TAF4B: variants seen among roughly 807,000 people sequenced by gnomAD.
The protein encoded by TAF4B is transcription initiation factor TFIID subunit 4B.
Under a neutral mutation model 86.4 loss-of-function variants are expected in TAF4B, and 38 were observed. The ratio of observed to expected loss-of-function variants is 0.44; its 90% CI spans 0.34 to 0.58. The LOEUF is 0.58. Among genes scored for constraint, TAF4B ranks in the 20% least tolerant of loss-of-function variants. The pLI, the probability that TAF4B is intolerant of heterozygous loss-of-function variation, is 0.02. For synonymous variants in TAF4B, 388 were observed against 391.2 expected, an observed-to-expected ratio of 0.99 and a Z score of 0.10; for missense variants, 988 against 1,027.6, an observed-to-expected ratio of 0.96 and a Z score of 0.53.
chr18:26,364,403 C>A (rs1044952681), intron 14 of TAF4B, among the ~76,000 whole-genome samples: 1 of 145,744 alleles, frequency 6.9e-6, no homozygotes, highest in Non-Finnish European at 1.6e-5. Context: ...TTAATGTAGG[C>A]CGTACAGATA....
intron 10 of TAF4B, among the ~76,000 whole-genome samples, chr18:26,320,026 T>A (rs1209717943): frequency 2.6e-5 from 4 of 152,218 alleles, no homozygotes; most frequent in Non-Finnish European, 5.9e-5. Flanking sequence ...AGAAGTTGAT[T>A]AATTTTGTAT....
chr18:26,275,120 G>A, intron 5 of TAF4B, 67 bp downstream of exon 5: 1 of 1,448,352 alleles, frequency 6.9e-7, no homozygotes, highest in Non-Finnish European at 9.2e-7. Flanking sequence ...ATTGGGAAAT[G>A]CATATTTTTA....
chr18:26,261,162 G>A (rs973092629), intron 1 of TAF4B, among the ~76,000 whole-genome samples: 2 of 148,096 alleles, frequency 1.4e-5, no homozygotes, highest in Non-Finnish European at 3.0e-5. Context: ...CCTTGAACAT[G>A]AGCACTGTCA....
chr18:26,241,553 T>G (rs973330952), intron 1 of TAF4B, among the ~76,000 whole-genome samples: 3 of 152,194 alleles, frequency 2.0e-5, no homozygotes, highest in African/African-American at 7.2e-5. Flanking sequence ...ATTCTTTGAT[T>G]TTTTTGAAGG....
At chr18:26,356,791 GTT>G (rs11324227) in intron 13 of TAF4B, among the ~76,000 whole-genome samples, 23,184 of 137,880 alleles carry the variant, frequency 0.17, 2,422 homozygotes, top group African/African-American at 0.31. Context: ...CTCACTTGGT[GTT>G]TTTTTTTTTT....
At chr18:26,234,321 C>T (rs1456753901) in intron 1 of TAF4B, among the ~76,000 whole-genome samples, 1 of 152,220 alleles carries the variant, frequency 6.6e-6, no homozygotes, top group Non-Finnish European at 1.5e-5. Context: ...ACTGCCACCT[C>T]CTTGGGTTTT....
intron 9 of TAF4B, among the ~76,000 whole-genome samples, chr18:26,309,479 T>C (rs920529631): frequency 1.3e-5 from 2 of 152,058 alleles, no homozygotes; most frequent in Non-Finnish European, 2.9e-5. Flanking sequence ...ATATTACCAA[T>C]GGATGATGTT....
chr18:26,376,159 T>C (rs899591114), intron 14 of TAF4B, among the ~76,000 whole-genome samples: 2 of 151,882 alleles, frequency 1.3e-5, no homozygotes, highest in Non-Finnish European at 2.9e-5. Flanking sequence ...GTTTTCAAGA[T>C]CATTTTAACT....
chr18:26,267,535 T>G lies in TAF4B; in HGVS notation c.509T>G (p.Ile170Ser), dbSNP rs766316218. ...GCCAAGAACTCTAGCTCACAATTAA[T>G]CAAGAAAGTGGCAGTGACACCTGTT... is the stretch of plus-strand genomic sequence containing the variant. ...CTVPNSSSQL[I>S]KKVAVTPVKK... Residue 170 changes from isoleucine (I) to serine (S), a missense_variant, in exon 3 of 15, where the codon ATC becomes AGC. Physicochemically the swap from Ile to Ser is moderately radical, Grantham distance 142. This residue lies in a region of TAF4B where 747 missense variants were observed against 737.9 expected (regional missense o/e 1.01). Coordinates refer to ENST00000269142, the MANE Select transcript of TAF4B (RefSeq NM_005640.3). 1 of 1,613,950 alleles carries G rather than the reference T, an allele frequency of 6.2e-7. No individual in the cohort carries two copies. The highest frequency in any genetic ancestry group is 8.5e-7 in the Non-Finnish European group (1 of 1,179,936).
rs2057010957 is a variant in TAF4B at position 26,327,141 on chromosome 18, G to A, written c.2259+1G>A. On this transcript the variant is annotated splice_donor_variant, in intron 12 of 14. Transcript: ENST00000269142. LOFTEE classifies it high-confidence loss of function. The stretch of plus-strand genomic sequence containing the variant: ...AGAAATGTTACTTAAGGCAGCCAAG[G>A]TAAGGGCCAGTGTGATTTATGAGTG... 9 of 1,610,344 alleles carry A rather than the reference G, an allele frequency of 5.6e-6. No homozygotes were observed. The highest frequency in any genetic ancestry group is 7.6e-6 in the Non-Finnish European group (9 of 1,179,476).
At position 26,305,541 on chromosome 18, in the gene TAF4B, G is replaced by A. The variant is rs114273580; in HGVS notation, c.1833-9688G>A. ...TCGTGCCTCAGCCTCCCGAGTAGCT[G>A]AACTACAGGCACGCGCCACCACTCC... On this transcript the variant is annotated intron_variant, in intron 9 of 14. Transcript: ENST00000269142. Among the ~76,000 whole-genome samples the A allele has an allele frequency of 5.7e-3, 867 of 152,250 alleles. 13 individuals are homozygous for A. Among genetic ancestry groups the A allele is most frequent in the African/African-American group, 0.019 (810 of 41,554 alleles).
At chr18:26,376,761 G>A (rs1368750660) in intron 14 of TAF4B, among the ~76,000 whole-genome samples, 1 of 151,974 alleles carries the variant, frequency 6.6e-6, no homozygotes, top group Non-Finnish European at 1.5e-5. Context: ...CAGAATTTAG[G>A]GGAAAAGAGT....
At chr18:26,311,762 G>A (rs1379854600) in intron 9 of TAF4B, among the ~76,000 whole-genome samples, 1 of 152,158 alleles carries the variant, frequency 6.6e-6, no homozygotes, top group Non-Finnish European at 1.5e-5. Flanking sequence ...GTCATTACCT[G>A]GAAGACCTTG....
At chr18:26,383,953 T>C (rs1800411503) in intron 14 of TAF4B, among the ~76,000 whole-genome samples, 1 of 152,204 alleles carries the variant, frequency 6.6e-6, no homozygotes. Context: ...GCTTGGGTAT[T>C]GTGAATATAG....
At position 26,361,677 on chromosome 18, in the gene TAF4B, G is replaced by A. The variant is rs191268750; in HGVS notation, c.2421+3883G>A. On this transcript the variant is annotated intron_variant, in intron 14 of 14. Coordinates refer to ENST00000269142, the MANE Select transcript of TAF4B (RefSeq NM_005640.3). The stretch of plus-strand genomic sequence containing the variant: ...GGAGAATCACTTGAACCCGGGAGGC[G>A]GAGGTTGCTGTGAGCCGAGATCGCG... Among the ~76,000 whole-genome samples the A allele has an allele frequency of 2.0e-3, 295 of 150,632 alleles. 1 individual carries two copies. The highest frequency in any genetic ancestry group is 7.0e-3 in the African/African-American group (288 of 41,042).
At chr18:26,306,148 A>G (rs2056792426) in intron 9 of TAF4B, among the ~76,000 whole-genome samples, 1 of 152,134 alleles carries the variant, frequency 6.6e-6, no homozygotes, top group Non-Finnish European at 1.5e-5. Flanking sequence ...CCTGATGTAC[A>G]ATTTTATTTA....
chr18:26,373,894 G>A (rs1019669213), intron 14 of TAF4B, among the ~76,000 whole-genome samples: 3 of 152,074 alleles, frequency 2.0e-5, no homozygotes, highest in Admixed American at 1.3e-4. Flanking sequence ...TAGCAGTGCT[G>A]GATTTATGCC....
intron 9 of TAF4B, among the ~76,000 whole-genome samples, chr18:26,300,822 C>T (rs2056723446): frequency 6.6e-6 from 1 of 151,836 alleles, no homozygotes; most frequent in Non-Finnish European, 1.5e-5. Flanking sequence ...GTTTCCATCA[C>T]TTACGTAGAG....
chr18:26,346,907 G>GTGTATATATATATATA lies in TAF4B; in HGVS notation c.2317-10782_2317-10781insGTATATATATATATAT, dbSNP rs1171773933. 9.3e-3 allele frequency among the ~76,000 whole-genome samples: 104 copies of GTGTATATATATATATA among 11,216 alleles called. 15 individuals are homozygous for GTGTATATATATATATA. Among genetic ancestry groups the GTGTATATATATATATA allele is most frequent in the Non-Finnish European group, 0.022 (86 of 3,904 alleles). The allele number at this position is 11,216 out of a possible 152,430, so 7.4% of individuals were successfully genotyped here. A position where few individuals can be genotyped will look rare whatever the true frequency, so the allele number is the denominator to read the frequency against. Reference sequence around the variant, plus strand: ...TATATATATATATATATATGTGTGTGTATATATATATATATAGTTTTTTGT... The same window carrying GTGTATATATATATATA: ...TATATATATATATATATATGTGTGTGTGTATATATATATATATATATATATATATATAGTTTTTTGT... On this transcript the variant is annotated intron_variant, in intron 13 of 14. Transcript: ENST00000269142.
Sources: gnomAD v4.1 joint callset for allele counts (sites outside exome capture counted in the v4.1 genomes callset) on GRCh38, gnomAD v4.1.1 for gene constraint, gnomAD v4.1.1 regional missense constraint, MANE v1.5 for transcripts, NCBI Gene and HGNC (gene_info 2026-07-23, HGNC 2026-07-21) for gene names.